Variants in FBLN7 observed in about 807,000 individuals in gnomAD.
The protein encoded by FBLN7 is fibulin-7.
In FBLN7, 31 loss-of-function variants were observed where a neutral mutation model predicts 44.0. The observed-to-expected ratio is 0.70, with a 90% CI of 0.53 to 0.95. The LOEUF (loss-of-function observed/expected upper bound fraction) is 0.95, where lower values mean the gene tolerates loss of function less well. Ranked by LOEUF, FBLN7 falls within the 40% of genes least tolerant of loss-of-function variation. The pLI is 0.00. For synonymous variants in FBLN7, 262 were observed against 253.4 expected, an observed-to-expected ratio of 1.03 and a Z score of -0.32; for missense variants, 573 against 618.5, an observed-to-expected ratio of 0.93 and a Z score of 0.78.
chr2:112,240,321 ATCCT>A, the FBLN7 span: 1 of 152,120 alleles, frequency 6.6e-6, no homozygotes, highest in Non-Finnish European at 1.5e-5. Flanking sequence ...TCACTAACTG[ATCCT>A]TTATGAAAAG....
chr2:112,186,554 C>T (rs1573840505), intron 7 of FBLN7, among the ~76,000 whole-genome samples: 1 of 152,260 alleles, frequency 6.6e-6, no homozygotes, highest in South Asian at 2.1e-4. Context: ...ACAGGAGAAT[C>T]ACTTGAGCCT....
At chr2:112,226,858 A>G in the FBLN7 span, among the ~76,000 whole-genome samples, 1 of 152,318 alleles carries the variant, frequency 6.6e-6, no homozygotes, top group East Asian at 1.9e-4. Flanking sequence ...TAAATTATAT[A>G]CAACATGACC....
At chr2:112,161,567 C>T (rs138471132) in intron 2 of FBLN7, among the ~76,000 whole-genome samples, 24 of 152,328 alleles carry the variant, frequency 1.6e-4, no homozygotes, top group African/African-American at 5.5e-4. Flanking sequence ...CCTGACTCCA[C>T]AAAGCCTTCC....
At position 112,165,250 on chromosome 2, in the gene FBLN7, C is replaced by G. The variant is rs1682092519; in HGVS notation, c.406+79C>G. 4.0e-6 allele frequency: 6 copies of G among 1,501,544 alleles called. No homozygotes were observed. The African/African-American group carries it at 5.6e-5, about 14-fold the overall frequency. The allele number at this position is 1,501,544 out of a possible 1,614,324, so 93.0% of individuals were successfully genotyped here. On this transcript the variant is annotated intron_variant, in intron 3 of 7. Transcript: ENST00000331203. The stretch of plus-strand genomic sequence containing the variant: ...GGTTTCTTGCATAGAAAGGGTCATT[C>G]CTTGGAACATTTTCTGCTTGGTTCT...
chr2:112,242,270 A>C, the FBLN7 span, among the ~76,000 whole-genome samples: 2 of 152,256 alleles, frequency 1.3e-5, no homozygotes, highest in African/African-American at 4.8e-5. Flanking sequence ...TTCATGGTTG[A>C]AACAAAAGAA....
downstream of FBLN7, chr2:112,188,991 G>A (rs1048374158): frequency 1.3e-5 from 2 of 152,248 alleles, no homozygotes; most frequent in African/African-American, 4.8e-5. Context: ...ACAACACCAG[G>A]CGGAAGAGTC....
chr2:112,180,098 AG>A (rs1346142465), intron 4 of FBLN7, among the ~76,000 whole-genome samples: 2 of 152,220 alleles, frequency 1.3e-5, no homozygotes, highest in African/African-American at 4.8e-5. Context: ...CATCTGACAA[AG>A]GTCTAATATC....
chr2:112,171,585 G>A (rs1682462793), intron 3 of FBLN7, among the ~76,000 whole-genome samples: 1 of 151,790 alleles, frequency 6.6e-6, no homozygotes, highest in Admixed American at 6.6e-5. Flanking sequence ...TAACTGACTG[G>A]CTGGCTGATT....
chr2:112,209,930 A>C, the FBLN7 span, among the ~76,000 whole-genome samples: 1 of 152,012 alleles, frequency 6.6e-6, no homozygotes, highest in East Asian at 1.9e-4. Context: ...TAAAGGTGGA[A>C]TCTATACCAA....
chr2:112,169,976 C>A (rs1382777763), intron 3 of FBLN7, among the ~76,000 whole-genome samples: 4 of 152,158 alleles, frequency 2.6e-5, no homozygotes, highest in Non-Finnish European at 5.9e-5. Context: ...CGCGGTGGTT[C>A]ATGCCTGTAA....
Position 112,187,072 on chromosome 2 carries a change from C to T in FBLN7, c.948-62C>T, listed in dbSNP as rs1479253675. On this transcript the variant is annotated intron_variant, in intron 7 of 7. Coordinates refer to ENST00000331203, the MANE Select transcript of FBLN7 (RefSeq NM_153214.3). The surrounding 1 kb of genome is among the most constrained non-coding windows in gnomAD (Gnocchi z 5.1). ...CAAGAGGGCAGGTGGGCAGCCGGGTCAGAGCAGCTCTTCATGAGACTCCCC... is the reference window on the plus strand; with the variant it reads ...CAAGAGGGCAGGTGGGCAGCCGGGTTAGAGCAGCTCTTCATGAGACTCCCC... 4 of 1,571,582 alleles carry T rather than the reference C, an allele frequency of 2.5e-6. No homozygotes were observed. The East Asian group carries it at 9.0e-5, about 35-fold the overall frequency.
the FBLN7 span, among the ~76,000 whole-genome samples, chr2:112,197,703 C>T: frequency 6.6e-6 from 1 of 152,200 alleles, no homozygotes; most frequent in African/African-American, 2.4e-5. Flanking sequence ...CATCCTAGCT[C>T]AGCCATCCCT....
At chr2:112,206,326 A>G in the FBLN7 span, among the ~76,000 whole-genome samples, 1 of 152,142 alleles carries the variant, frequency 6.6e-6, no homozygotes, top group African/African-American at 2.4e-5. Context: ...AACTTGGTTT[A>G]ACTGACTTTT....
the FBLN7 span, among the ~76,000 whole-genome samples, chr2:112,200,073 C>G: frequency 6.6e-6 from 1 of 152,212 alleles, no homozygotes; most frequent in Non-Finnish European, 1.5e-5. Context: ...TATGCAACCT[C>G]TTTTGCTGCA....
the FBLN7 span, chr2:112,230,733 C>G: frequency 3.4e-6 from 1 of 295,382 alleles, no homozygotes; most frequent in African/African-American, 2.2e-5. Context: ...AGGAAGCAGG[C>G]TGATGTAGAT....
the FBLN7 span, among the ~76,000 whole-genome samples, chr2:112,228,395 G>A: frequency 2.0e-5 from 3 of 151,896 alleles, no homozygotes; most frequent in Non-Finnish European, 2.9e-5. Context: ...CCAGCTACTC[G>A]GGATGCTGAG....
At chr2:112,155,849 T>A (rs1013900025) in intron 1 of FBLN7, among the ~76,000 whole-genome samples, 3 of 152,036 alleles carry the variant, frequency 2.0e-5, no homozygotes, top group African/African-American at 7.2e-5. Flanking sequence ...CCACACACAC[T>A]CCCCTGCTTC....
chr2:112,225,582 T>C, the FBLN7 span, among the ~76,000 whole-genome samples: 16 of 152,162 alleles, frequency 1.1e-4, no homozygotes, highest in Non-Finnish European at 1.8e-4. Context: ...TTTGGGAGGC[T>C]GAGGCGGGCA....
In FBLN7 at chr2:112,138,693, T is replaced by C; in HGVS notation, c.38T>C (p.Leu13Pro). ...TCTCCGCGCGCGCTCTTCCTTCTGC[T>C]CCTGATCCTCGCCTGCCCCGAGCCG... ...PSSPRALFLL[L>P]LILACPEPRA... Residue 13 changes from leucine to proline, a missense_variant, in exon 1 of 8, where the codon CTC becomes CCC. Leu to Pro is a moderately conservative substitution (Grantham distance 98). Transcript: ENST00000331203. 2 of 1,613,102 alleles carry C rather than the reference T, an allele frequency of 1.2e-6. No homozygotes were observed. The highest frequency in any genetic ancestry group is 2.2e-5 in the South Asian group (2 of 91,032).
Sources: allele counts gnomAD v4.1 joint callset (sites outside exome capture counted in the v4.1 genomes callset), GRCh38; gene constraint gnomAD v4.1.1; non-coding constraint Gnocchi (gnomAD v3.1); transcripts MANE v1.5; gene names NCBI Gene and HGNC (gene_info 2026-07-23, HGNC 2026-07-21).